CACNB2: variants seen among roughly 807,000 people sequenced by gnomAD.
The protein encoded by CACNB2 is voltage-dependent L-type calcium channel subunit beta-2.
In CACNB2, 42 loss-of-function variants were observed where a neutral mutation model predicts 73.3. The observed-to-expected ratio is 0.57, with a 90% CI of 0.45 to 0.74. CACNB2 has a LOEUF of 0.74. Among genes scored for constraint, CACNB2 ranks in the 30% least tolerant of loss-of-function variants. CACNB2 has a pLI of 0.00. For synonymous variants in CACNB2, 348 were observed against 310.3 expected, an observed-to-expected ratio of 1.12 and a Z score of -1.28; for missense variants, 940 against 853.0, an observed-to-expected ratio of 1.10 and a Z score of -1.27.
In CACNB2 at chr10:18,530,552, A is replaced by G. The variant is rs2052908048; in HGVS notation, c.1054+2855A>G. Among the ~76,000 whole-genome samples the G allele has an allele frequency of 5.3e-5, 8 of 151,558 alleles. No homozygotes were observed. The South Asian group carries it at 1.7e-3, about 32-fold the overall frequency. On this transcript the variant is annotated intron_variant, in intron 10 of 13. Transcript: ENST00000324631. ...AAATGCAGTTGGGCAAACCAACTGC[A>G]TCTAACACCAAACCCATTTTATAAT... is the stretch of plus-strand genomic sequence containing the variant.
intron 2 of CACNB2, among the ~76,000 whole-genome samples, chr10:18,343,828 C>T (rs998253607): frequency 6.6e-6 from 1 of 152,154 alleles, no homozygotes; most frequent in African/African-American, 2.4e-5. Flanking sequence ...AAAGCAAATA[C>T]AAACGCTCTA....
intron 1 of CACNB2, among the ~76,000 whole-genome samples, chr10:18,147,716 AT>A (rs397846689): frequency 1.3e-4 from 20 of 149,650 alleles, no homozygotes; most frequent in East Asian, 7.8e-4. Flanking sequence ...AATTACATAT[AT>A]TTTTTTTTTC....
At chr10:18,245,116 G>A (rs1019983521) in intron 2 of CACNB2, among the ~76,000 whole-genome samples, 10 of 151,198 alleles carry the variant, frequency 6.6e-5, no homozygotes, top group Non-Finnish European at 1.2e-4. Flanking sequence ...GACTCATTTC[G>A]GACTCCCAGC....
At chr10:18,405,682 G>A (rs147618530) in intron 3 of CACNB2, among the ~76,000 whole-genome samples, 26 of 152,306 alleles carry the variant, frequency 1.7e-4, no homozygotes, top group African/African-American at 5.5e-4. Flanking sequence ...ACTCAGCCAG[G>A]CACAATGGCT....
In CACNB2 at chr10:18,463,343, G is replaced by A. The variant is rs1423902788; in HGVS notation, c.334-35012G>A. 3.3e-5 allele frequency among the ~76,000 whole-genome samples: 5 copies of A among 151,168 alleles called. No homozygotes were observed. In the East Asian group the frequency reaches 9.7e-4, roughly 29 times the overall value. On this transcript the variant is annotated intron_variant, in intron 3 of 13. Transcript: ENST00000324631. ...GTTCAAGATCAGCCTGGACAATATA[G>A]CAAGACCTCTTATCTATTAAAAAAA...
intron 2 of CACNB2, among the ~76,000 whole-genome samples, chr10:18,153,317 C>G (rs983330127): frequency 1.6e-4 from 24 of 152,170 alleles, no homozygotes; most frequent in African/African-American, 4.6e-4. Context: ...ATTGAAAACC[C>G]TCAAATGCTG....
chr10:18,140,782 G>A lies in CACNB2; in HGVS notation c.46G>A (p.Ala16Thr). 6.3e-7 allele frequency: 1 copy of A among 1,599,238 alleles called. No individual in the cohort carries two copies. The highest frequency in any genetic ancestry group is 1.1e-5 in the South Asian group (1 of 88,638). The part of the protein sequence containing the change: ...MSKSPPTAAA[A>T]VAQEIQMELL... ...CAAGTCGCCTCCCACAGCGGCGGCGGCGGTGGCGCAGGAGATCCAGATGGA... is the reference window on the plus strand; with the variant it reads ...CAAGTCGCCTCCCACAGCGGCGGCGACGGTGGCGCAGGAGATCCAGATGGA... The change falls in exon 1 of 14, where the codon GCG becomes ACG. Residue 16 changes from alanine (A) to threonine (T), a missense_variant. By Grantham distance (58) the Ala-to-Thr change is moderately conservative (BLOSUM62 0). Transcript: ENST00000324631.
At chr10:18,214,072 T>A (rs73595546) in intron 2 of CACNB2, among the ~76,000 whole-genome samples, 47 of 152,122 alleles carry the variant, frequency 3.1e-4, no homozygotes, top group Admixed American at 7.2e-4. Flanking sequence ...AAAGAATTTC[T>A]TATTTAAATT....
chr10:18,259,577 T>TAAAAACA (rs2037442143), intron 2 of CACNB2, among the ~76,000 whole-genome samples: 1 of 96,278 alleles, frequency 1.0e-5, no homozygotes, highest in East Asian at 3.3e-4. Flanking sequence ...AAAAAAAAAG[T>TAAAAACA]AAAAGTAGCC....
intron 10 of CACNB2, among the ~76,000 whole-genome samples, chr10:18,532,823 CAAAGAT>C (rs1459648375): frequency 1.3e-5 from 2 of 151,220 alleles, no homozygotes; most frequent in Non-Finnish European, 2.9e-5. Flanking sequence ...ACAGATGAAA[CAAAGAT>C]GAAAATCTTT....
In CACNB2 at chr10:18,212,534, T is replaced by G. The variant is rs1310218428; in HGVS notation, c.213+61559T>G. 2.0e-5 allele frequency among the ~76,000 whole-genome samples: 3 copies of G among 152,226 alleles called. No individual in the cohort carries two copies. The East Asian group carries it at 5.8e-4, about 29-fold the overall frequency. ...GATGTTGTCAACTTGAACCATTTTT[T>G]CCTTTGTTTTCCATTTCTCATCTTG... is the stretch of plus-strand genomic sequence containing the variant. On this transcript the variant is annotated intron_variant, in intron 2 of 13. Coordinates refer to ENST00000324631, the MANE Select transcript of CACNB2 (RefSeq NM_201596.3).
At chr10:18,511,456 T>A (rs970199113) in intron 6 of CACNB2, among the ~76,000 whole-genome samples, 18 of 152,246 alleles carry the variant, frequency 1.2e-4, no homozygotes, top group African/African-American at 4.3e-4. Flanking sequence ...TGATCTTCCA[T>A]CCTTTGAAAA....
At chr10:18,371,690 T>A (rs530780228) in intron 2 of CACNB2, among the ~76,000 whole-genome samples, 2,358 of 152,346 alleles carry the variant, frequency 0.015, 74 homozygotes, top group African/African-American at 0.054. Context: ...TATAGCAGCA[T>A]GATTTATAAT....
intron 3 of CACNB2, among the ~76,000 whole-genome samples, chr10:18,484,301 G>A (rs918577795): frequency 3.9e-5 from 6 of 151,936 alleles, no homozygotes; most frequent in Non-Finnish European, 5.9e-5. Flanking sequence ...GGCTGAGGCA[G>A]GAGAATCACT....
At chr10:18,252,315 C>T (rs2037120955) in intron 2 of CACNB2, among the ~76,000 whole-genome samples, 1 of 152,168 alleles carries the variant, frequency 6.6e-6, no homozygotes, top group Non-Finnish European at 1.5e-5. Context: ...CAGGAGAAAT[C>T]GGTGTCTGGT....
chr10:18,297,656 C>T (rs530352125), intron 2 of CACNB2, among the ~76,000 whole-genome samples: 1 of 152,350 alleles, frequency 6.6e-6, no homozygotes, highest in South Asian at 2.1e-4. Flanking sequence ...TCAGAACCAA[C>T]CTGAGCCCAG....
chr10:18,384,323 T>C (rs920564461), intron 2 of CACNB2, among the ~76,000 whole-genome samples: 3 of 152,200 alleles, frequency 2.0e-5, no homozygotes, highest in Admixed American at 6.6e-5. Flanking sequence ...TGGCTGTGTA[T>C]ATTACGTGAA....
At chr10:18,374,045 T>C (rs2042693780) in intron 2 of CACNB2, among the ~76,000 whole-genome samples, 1 of 152,166 alleles carries the variant, frequency 6.6e-6, no homozygotes, top group South Asian at 2.1e-4. Context: ...AGAAAAAATA[T>C]TATAATTAAC....
rs539928001 is a variant in CACNB2 at position 18,334,651 on chromosome 10, C to A, written c.214-67273C>A. Among the ~76,000 whole-genome samples, 12 of 152,162 alleles carry A rather than the reference C, an allele frequency of 7.9e-5. No individual in the cohort carries two copies. In the South Asian group the frequency reaches 2.5e-3, roughly 32 times the overall value. ...TGCATTGTAGGATGCTGAGCAGGAA[C>A]CCTGGCCTCTGCCCACTAGATTCCA... On this transcript the variant is annotated intron_variant, in intron 2 of 13. Coordinates refer to ENST00000324631, the MANE Select transcript of CACNB2 (RefSeq NM_201596.3).
Sources: allele counts gnomAD v4.1 joint callset (sites outside exome capture counted in the v4.1 genomes callset), GRCh38; gene constraint gnomAD v4.1.1; transcripts MANE v1.5; gene names NCBI Gene and HGNC (gene_info 2026-07-23, HGNC 2026-07-21).